PCBP3: variants seen among roughly 807,000 people sequenced by gnomAD.
The protein encoded by PCBP3 is poly(rC)-binding protein 3.
In PCBP3, 25 loss-of-function variants were observed where a neutral mutation model predicts 52.7. The observed-to-expected ratio is 0.47, with a 90% CI of 0.35 to 0.66. The LOEUF (loss-of-function observed/expected upper bound fraction) is 0.66, where lower values mean the gene tolerates loss of function less well. Ranked by LOEUF, PCBP3 falls within the 30% of genes least tolerant of loss-of-function variation. The pLI is 0.01. For synonymous variants in PCBP3, 162 were observed against 183.0 expected (o/e 0.89, Z 0.93); for missense variants, 391 against 490.3 (o/e 0.80, Z 1.91).
chr21:45,900,611 G>A lies in PCBP3; in HGVS notation c.210G>A (p.Lys70=), dbSNP rs769961245. ...IIGKKGETVK[K]MREESGARIN... is the part of the protein sequence containing the mutation. ...TCCAGAAAGGAGAAACTGTGAAGAA[G>A]ATGCGTGAGGAGGTGAGTGTGGTGG... Residue 70 remains lysine, a synonymous_variant, in exon 8 of 18, where the codon AAG becomes AAA. Coordinates refer to ENST00000681687, the MANE Select transcript of PCBP3 (RefSeq NM_001384156.1). 4.5e-6 allele frequency: 7 copies of A among 1,561,284 alleles called. No individual in the cohort carries two copies. The highest frequency in any genetic ancestry group is 2.4e-5 in the East Asian group (1 of 40,984).
intron 5 of PCBP3, among the ~76,000 whole-genome samples, chr21:45,857,204 A>G (rs2094333501): frequency 1.3e-5 from 2 of 152,326 alleles, no homozygotes; most frequent in South Asian, 4.1e-4. Context: ...GCTTTGTAGG[A>G]CCATCTCAAG....
At chr21:45,924,102 G>A (rs1198732689) in intron 13 of PCBP3, among the ~76,000 whole-genome samples, 2 of 111,882 alleles carry the variant, frequency 1.8e-5, no homozygotes, top group African/African-American at 8.3e-5. Flanking sequence ...TGTGAACACC[G>A]GGAACAGTCG....
intron 15 of PCBP3, among the ~76,000 whole-genome samples, chr21:45,932,843 C>CT (rs1208072741): frequency 7.1e-6 from 1 of 141,770 alleles, no homozygotes; most frequent in Non-Finnish European, 1.5e-5. Context: ...GAACGAACAC[C>CT]TGGGCCTTGC....
rs188693381 is a variant in PCBP3, at chr21:45,643,783, C to A, written c.-364C>A. 7 of 148,884 alleles carry A rather than the reference C, an allele frequency of 4.7e-5. No individual in the cohort carries two copies. Among genetic ancestry groups the A allele is most frequent in the Non-Finnish European group, 7.5e-5 (5 of 66,726 alleles). The allele number at this position is 148,884 out of a possible 1,614,324, so 9.2% of individuals were successfully genotyped here. A position where few individuals can be genotyped will look rare whatever the true frequency, so the allele number is the denominator to read the frequency against. ...TCGGCTGACTTAGGCTCCGCCGCCGCCTCCTCACCCGCCTCGCCCCGACCC... is the reference window on the plus strand; with the variant it reads ...TCGGCTGACTTAGGCTCCGCCGCCGACTCCTCACCCGCCTCGCCCCGACCC... On this transcript the variant is annotated 5_prime_UTR_variant, in exon 1 of 18. Transcript: ENST00000681687.
chr21:45,910,020 G>GACCCCCC (rs2096329985), intron 10 of PCBP3, among the ~76,000 whole-genome samples: 1 of 37,414 alleles, frequency 2.7e-5, no homozygotes, highest in Non-Finnish European at 4.9e-5. Flanking sequence ...TATGGACCTG[G>GACCCCCC]CCCACCCACT....
intron 2 of PCBP3, among the ~76,000 whole-genome samples, chr21:45,676,140 A>G (rs1159193268): frequency 2.0e-5 from 3 of 152,232 alleles, no homozygotes; most frequent in African/African-American, 4.8e-5. Context: ...TTAAAGAACA[A>G]CTGACAGACA....
At chr21:45,650,118 GGA>G (rs933744917) in intron 1 of PCBP3, among the ~76,000 whole-genome samples, 30 of 151,866 alleles carry the variant, frequency 2.0e-4, no homozygotes, top group South Asian at 2.1e-4. Flanking sequence ...TTTGAGCGCA[GGA>G]GTTCAAAACC....
intron 9 of PCBP3, among the ~76,000 whole-genome samples, chr21:45,906,978 A>T (rs1028229930): frequency 2.0e-5 from 3 of 152,226 alleles, no homozygotes; most frequent in Admixed American, 2.0e-4. Flanking sequence ...ATGCAGGAAG[A>T]GCCGCAGTGG....
At chr21:45,705,590 G>A (rs2083398756) in intron 2 of PCBP3, among the ~76,000 whole-genome samples, 1 of 152,212 alleles carries the variant, frequency 6.6e-6, no homozygotes, top group Non-Finnish European at 1.5e-5. Flanking sequence ...TGAATTGGCA[G>A]GGAAAGTGCC....
At chr21:45,819,189 T>C (rs1161464797) in intron 4 of PCBP3, among the ~76,000 whole-genome samples, 1 of 152,118 alleles carries the variant, frequency 6.6e-6, no homozygotes, top group Non-Finnish European at 1.5e-5. Context: ...ATGGGTTTGG[T>C]TGTGACTCAT....
chr21:45,896,269 C>T lies in PCBP3; in HGVS notation c.72C>T (p.His24=), dbSNP rs375346026. 5.8e-6 allele frequency: 9 copies of T among 1,552,120 alleles called. No homozygotes were observed. The highest frequency in any genetic ancestry group is 7.0e-6 in the Non-Finnish European group (8 of 1,147,096). The change falls in exon 6 of 18, where the codon CAC becomes CAT. Residue 24 remains histidine (H), a synonymous_variant. Transcript: ENST00000681687. Reference sequence around the variant, plus strand: ...GCACCCTCAGCACCTTAAGCCACCACCCTCAGCCACAATTTGGCAGAAGGA... The same window carrying T: ...GCACCCTCAGCACCTTAAGCCACCATCCTCAGCCACAATTTGGCAGAAGGA... ...PHSTLSTLSH[H]PQPQFGRRME...
intron 4 of PCBP3, among the ~76,000 whole-genome samples, chr21:45,765,506 G>A (rs773855993): frequency 3.3e-5 from 5 of 152,202 alleles, no homozygotes; most frequent in Admixed American, 2.6e-4. Flanking sequence ...GTGCTCTCCC[G>A]GCGGGCTGGG....
At chr21:45,911,399 C>A in intron 11 of PCBP3, 4 of 153,856 alleles carry the variant, frequency 2.6e-5, no homozygotes, top group East Asian at 2.1e-4. Context: ...TGGGGGGCAG[C>A]TGGGGGTGGG....
intron 4 of PCBP3, among the ~76,000 whole-genome samples, chr21:45,782,087 T>G (rs74275929): frequency 6.6e-6 from 1 of 152,216 alleles, no homozygotes; most frequent in East Asian, 1.9e-4. Context: ...GCATTCCTTT[T>G]TGGAGCAAGA....
At chr21:45,910,434 G>T (rs1486936894) in intron 10 of PCBP3, among the ~76,000 whole-genome samples, 1 of 151,966 alleles carries the variant, frequency 6.6e-6, no homozygotes, top group African/African-American at 2.4e-5. Context: ...GTCCCAGTGG[G>T]CAGAGTTTGC....
Position 45,879,510 on chromosome 21 carries a change from A to T in PCBP3, c.11-16698A>T, listed in dbSNP as rs191271181. Among the ~76,000 whole-genome samples the T allele has an allele frequency of 5.0e-3, 757 of 152,346 alleles. 16 individuals carry two copies. Among genetic ancestry groups the T allele is most frequent in the South Asian group, 0.044 (212 of 4,826 alleles). On this transcript the variant is annotated intron_variant, in intron 5 of 17. Coordinates refer to ENST00000681687, the MANE Select transcript of PCBP3 (RefSeq NM_001384156.1). ...CTGCAGACAATGCAGACACCACAGT[A>T]CACGTGGTTTTTATGTGCACATGGG...
rs745363642 is a variant in PCBP3 at position 45,817,158 on chromosome 21, C to G, written c.-125-32803C>G. Among the ~76,000 whole-genome samples, 1 of 152,114 alleles carries G rather than the reference C, an allele frequency of 6.6e-6. No individual in the cohort carries two copies. The highest frequency in any genetic ancestry group is 1.5e-5 in the Non-Finnish European group (1 of 68,016). On this transcript the variant is annotated intron_variant, in intron 4 of 17. Transcript: ENST00000681687. This position sits in a 1 kb window ranked among gnomAD's most constrained non-coding sequence, Gnocchi z 4.3. ...TTATTTCTGCAGGCATCTAATTTAC[C>G]GAAACTTCATGTCATGGCTCGGTCG...
intron 2 of PCBP3, among the ~76,000 whole-genome samples, chr21:45,714,960 C>T (rs769066825): frequency 7.9e-5 from 12 of 152,252 alleles, no homozygotes; most frequent in South Asian, 4.1e-4. Context: ...GAGCAAAACA[C>T]GGTTTAACTG....
intron 5 of PCBP3, among the ~76,000 whole-genome samples, chr21:45,878,014 G>A (rs1422029385): frequency 6.6e-6 from 1 of 152,228 alleles, no homozygotes; most frequent in Non-Finnish European, 1.5e-5. Context: ...TGGACTCCAG[G>A]CAGCCACATA....
Sources: gnomAD v4.1 joint callset for allele counts (sites outside exome capture counted in the v4.1 genomes callset) on GRCh38, gnomAD v4.1.1 for gene constraint, Gnocchi (gnomAD v3.1) non-coding constraint, MANE v1.5 for transcripts, NCBI Gene and HGNC (gene_info 2026-07-23, HGNC 2026-07-21) for gene names.